Variants in SMOC2 observed in about 807,000 individuals in gnomAD.
The protein encoded by SMOC2 is SPARC-related modular calcium-binding protein 2.
A neutral mutation model predicts 61.4 loss-of-function variants in SMOC2; 39 were observed. The ratio of observed to expected loss-of-function variants is 0.64; its 90% confidence interval spans 0.49 to 0.83. SMOC2 has a LOEUF of 0.83. SMOC2 is among the 40% of genes least tolerant of loss of function. SMOC2 has a pLI of 0.00. For synonymous variants in SMOC2, 247 were observed against 239.9 expected (o/e 1.03, Z -0.27); for missense variants, 556 against 592.9 (o/e 0.94, Z 0.65).
chr6:168,468,235 G>T (rs117121953), intron 1 of SMOC2, among the ~76,000 whole-genome samples: 1 of 152,176 alleles, frequency 6.6e-6, no homozygotes, highest in Non-Finnish European at 1.5e-5. Flanking sequence ...AGGGCGCTGC[G>T]GGTTCTTTGC....
chr6:168,579,875 G>A (rs569146383), intron 7 of SMOC2, among the ~76,000 whole-genome samples: 1 of 152,140 alleles, frequency 6.6e-6, no homozygotes, highest in East Asian at 1.9e-4. Flanking sequence ...CTTCGACTCC[G>A]GTTTTCAAAG....
At chr6:168,530,403 A>G (rs1329876981) in intron 4 of SMOC2, among the ~76,000 whole-genome samples, 1 of 152,162 alleles carries the variant, frequency 6.6e-6, no homozygotes, top group Non-Finnish European at 1.5e-5. Flanking sequence ...ATTAATCCAT[A>G]AATTCCTATT....
intron 8 of SMOC2, 127 bp from the exon 9 acceptor site, chr6:168,608,030 C>T (rs1378071598): frequency 1.3e-6 from 1 of 783,894 alleles, no homozygotes; most frequent in Non-Finnish European, 2.1e-6. Context: ...TCATGGGTGT[C>T]ATAGCATCAG....
intron 1 of SMOC2, among the ~76,000 whole-genome samples, chr6:168,459,997 C>G (rs917719366): frequency 6.6e-6 from 1 of 152,152 alleles, no homozygotes; most frequent in Admixed American, 6.5e-5. Flanking sequence ...CTTCAAATAT[C>G]TTCCCTGATC....
chr6:168,503,774 G>T (rs930002142), intron 1 of SMOC2, among the ~76,000 whole-genome samples: 6 of 152,192 alleles, frequency 3.9e-5, no homozygotes, highest in African/African-American at 1.4e-4. Flanking sequence ...GGTGGCCAGA[G>T]CCCAATGTTA....
intron 1 of SMOC2, among the ~76,000 whole-genome samples, chr6:168,448,566 CAG>C (rs759304815): frequency 3.4e-5 from 3 of 88,856 alleles, no homozygotes; most frequent in African/African-American, 4.7e-5. Context: ...GGGAGGAGGA[CAG>C]AACTGGGGAG....
intron 7 of SMOC2, among the ~76,000 whole-genome samples, chr6:168,560,343 T>C (rs1018439137): frequency 2.6e-5 from 4 of 152,258 alleles, no homozygotes; most frequent in Non-Finnish European, 5.9e-5. Flanking sequence ...AAGCACCTTC[T>C]TCAGTTATAT....
At chr6:168,473,819 G>T (rs970948376) in intron 1 of SMOC2, among the ~76,000 whole-genome samples, 5 of 152,140 alleles carry the variant, frequency 3.3e-5, no homozygotes, top group Non-Finnish European at 7.4e-5. Context: ...TGTCTTGTGT[G>T]TCTCAGTGGG....
intron 2 of SMOC2, among the ~76,000 whole-genome samples, chr6:168,520,367 G>A (rs1050095165): frequency 1.3e-5 from 2 of 152,124 alleles, no homozygotes; most frequent in Admixed American, 1.3e-4. Context: ...TCATTGCCGT[G>A]GCCACTACAA....
intron 1 of SMOC2, among the ~76,000 whole-genome samples, chr6:168,446,734 C>T (rs967587381): frequency 2.6e-5 from 4 of 152,078 alleles, no homozygotes; most frequent in Non-Finnish European, 5.9e-5. Flanking sequence ...CCAGGCCAGA[C>T]ATCAAATAGC....
intron 1 of SMOC2, among the ~76,000 whole-genome samples, chr6:168,484,152 G>C (rs780558802): frequency 3.9e-5 from 6 of 152,094 alleles, no homozygotes; most frequent in Non-Finnish European, 7.4e-5. Flanking sequence ...CAGTACAAAG[G>C]CATCCATGGA....
chr6:168,442,328 C>A (rs1023361392), intron 1 of SMOC2, among the ~76,000 whole-genome samples: 22 of 152,352 alleles, frequency 1.4e-4, no homozygotes, highest in Admixed American at 1.2e-3. Context: ...GCCCGGCCAA[C>A]GCACGCGGTG....
chr6:168,652,899 A>T, intron 10 of SMOC2, 55 bp from the exon 11 acceptor site: 2 of 1,564,018 alleles, frequency 1.3e-6, no homozygotes, highest in Non-Finnish European at 1.7e-6. Flanking sequence ...GACAGTGGCC[A>T]GGAAGGAGCA....
chr6:168,629,707 G>C (rs1786516217), intron 9 of SMOC2, among the ~76,000 whole-genome samples: 1 of 152,162 alleles, frequency 6.6e-6, no homozygotes, highest in Admixed American at 6.5e-5. Context: ...AAGCAGATGT[G>C]GACTGAGTGG....
chr6:168,488,951 G>A (rs542724176), intron 1 of SMOC2, among the ~76,000 whole-genome samples: 1 of 149,866 alleles, frequency 6.7e-6, no homozygotes, highest in East Asian at 2.0e-4. Context: ...GCATCACACT[G>A]TTTTAGAGTG....
intron 9 of SMOC2, among the ~76,000 whole-genome samples, chr6:168,647,302 G>C (rs1181785538): frequency 6.6e-6 from 1 of 152,208 alleles, no homozygotes; most frequent in African/African-American, 2.4e-5. Context: ...GGCTAAGTGA[G>C]AAGAAGGCCG....
At chr6:168,459,518 C>T (rs1198589314) in intron 1 of SMOC2, among the ~76,000 whole-genome samples, 1 of 150,714 alleles carries the variant, frequency 6.6e-6, no homozygotes, top group East Asian at 2.0e-4. Context: ...TGAAGCAGAA[C>T]TTGGGTCTGT....
rs961610414 is a variant in SMOC2, at chr6:168,612,314, C to A, written c.907+4075C>A. 3.3e-5 allele frequency among the ~76,000 whole-genome samples: 4 copies of A among 122,050 alleles called. 1 individual carries two copies. The highest frequency in any genetic ancestry group is 1.3e-4 in the African/African-American group (4 of 31,488). 80.1% of individuals were successfully genotyped at this position (122,050 alleles called of 152,430 possible). On this transcript the variant is annotated intron_variant, in intron 9 of 12. Transcript: ENST00000356284. ...ACCCCAGCCTTTACTCAAACAGCAG[C>A]GCTGGGTTCGTGATCTCCATCAGGG...
intron 9 of SMOC2, among the ~76,000 whole-genome samples, chr6:168,628,374 T>C (rs192204937): frequency 1.3e-5 from 2 of 152,176 alleles, no homozygotes; most frequent in African/African-American, 4.8e-5. Flanking sequence ...AAAATATAAG[T>C]AAACACTGAG....
Sources: allele counts gnomAD v4.1 joint callset (sites outside exome capture counted in the v4.1 genomes callset), GRCh38; gene constraint gnomAD v4.1.1; transcripts MANE v1.5; gene names NCBI Gene and HGNC (gene_info 2026-07-23, HGNC 2026-07-21).